ZNF816: variants seen among roughly 807,000 people sequenced by gnomAD.
ZNF816 encodes the protein zinc finger protein 816, also known as zinc finger protein 816A.
A neutral mutation model predicts 8.3 loss-of-function variants in ZNF816; 11 were observed. The observed-to-expected ratio is 1.32, with a 90% CI of 0.83 to 2.19. The LOEUF is 2.19. Among genes scored for constraint, ZNF816 ranks in the 30% most tolerant of loss-of-function variants. The pLI is 0.00. For synonymous variants in ZNF816, 255 were observed against 254.5 expected, an observed-to-expected ratio of 1.00 and a Z score of -0.02; for missense variants, 710 against 779.3, an observed-to-expected ratio of 0.91 and a Z score of 1.06.
intron 1 of ZNF816, among the ~76,000 whole-genome samples, chr19:52,960,465 C>T (rs1055247453): frequency 2.6e-5 from 4 of 152,112 alleles, no homozygotes; most frequent in African/African-American, 7.2e-5. Context: ...TTAGTACAGA[C>T]GACAGCAAAG....
chr19:52,961,856 C>G (rs1021012016), intron 1 of ZNF816, among the ~76,000 whole-genome samples: 1 of 152,124 alleles, frequency 6.6e-6, no homozygotes, highest in African/African-American at 2.4e-5. Flanking sequence ...TCAGGAAGCC[C>G]GAGAGTTGGT....
intron 3 of ZNF816, 192 bp downstream of exon 3, chr19:52,952,559 T>G: frequency 9.3e-7 from 1 of 1,080,754 alleles, no homozygotes. Flanking sequence ...TTTCTGTTTT[T>G]ATGTAAAACC....
In ZNF816 at chr19:52,950,942, C is replaced by T; in HGVS notation, c.833G>A (p.Cys278Tyr). 6.2e-7 allele frequency: 1 copy of T among 1,614,146 alleles called. No homozygotes were observed. The highest frequency in any genetic ancestry group is 8.5e-7 in the Non-Finnish European group (1 of 1,180,020). ...CTTGTAAGTTTTCTCACCAGTGTGA[C>T]ATCTATGATGATATACAATGTATTG... Reference protein sequence around the residue: ...QKQYIVYHHRCHTGEKTYKCN... With the variant: ...QKQYIVYHHRYHTGEKTYKCN... Residue 278 changes from cysteine (C) to tyrosine (Y), a missense_variant, in exon 4 of 4, where the codon TGT (cysteine) becomes TAT (tyrosine). By Grantham distance (194) the Cys-to-Tyr change is radical. Coordinates refer to ENST00000444460, the MANE Select transcript of ZNF816 (RefSeq NM_001202457.3).
At chr19:52,954,931 C>A (rs2083497044) in intron 2 of ZNF816, among the ~76,000 whole-genome samples, 2 of 151,626 alleles carry the variant, frequency 1.3e-5, no homozygotes, top group South Asian at 4.2e-4. Context: ...AACAGCGATT[C>A]CCCACTGAGA....
intron 2 of ZNF816, among the ~76,000 whole-genome samples, chr19:52,954,380 C>T (rs868686157): frequency 1.3e-5 from 2 of 151,886 alleles, no homozygotes; most frequent in Non-Finnish European, 1.5e-5. Flanking sequence ...AAACAAACAA[C>T]AACAACAAAA....
rs756765341 is a variant in ZNF816 at position 52,950,666 on chromosome 19, T to C, written c.1109A>G (p.Lys370Arg). 6.2e-7 allele frequency: 1 copy of C among 1,614,190 alleles called. No individual in the cohort carries two copies. Among genetic ancestry groups the C allele is most frequent in the South Asian group, 1.1e-5 (1 of 91,084 alleles). Residue 370 changes from lysine (K) to arginine (R), a missense_variant, in exon 4 of 4, where the codon AAG (lysine) becomes AGG (arginine). Transcript: ENST00000444460. ...KAIHTGEKPY[K>R]CNECGKTFSQ... Reference sequence around the variant, plus strand: ...GAAGGTCTTGCCACACTCATTACACTTGTAAGGTTTCTCTCCAGTATGAAT... The same window carrying C: ...GAAGGTCTTGCCACACTCATTACACCTGTAAGGTTTCTCTCCAGTATGAAT...
Position 52,949,541 on chromosome 19 carries a change from G to T in ZNF816, c.*278C>A. On this transcript the variant is annotated 3_prime_UTR_variant, in exon 4 of 4. Transcript: ENST00000444460. ...AATTCTCTGATGTCTAATGAGGTGT[G>T]AACATGAAGTAAAGGCTTTGCCACA... The T allele has an allele frequency of 6.1e-6, 4 of 657,554 alleles. No homozygotes were observed. The highest frequency in any genetic ancestry group is 4.4e-5 in the South Asian group (3 of 68,544). The allele number at this position is 657,554 out of a possible 1,614,324, so 40.7% of individuals were successfully genotyped here.
intron 2 of ZNF816, among the ~76,000 whole-genome samples, chr19:52,953,589 CA>C (rs1432841277): frequency 3.4e-5 from 3 of 87,262 alleles, no homozygotes; most frequent in East Asian, 2.6e-4. Context: ...ATATATAATA[CA>C]ATATTATATA....
Position 52,949,446 on chromosome 19 carries a change from G to A in ZNF816, c.*373C>T, listed in dbSNP as rs1401240323. ...TTATCTCAAAAATGAATTTTCTGAT[G>A]TTCTGCATGGAATGACCACAGAGTG... On this transcript the variant is annotated 3_prime_UTR_variant, in exon 4 of 4. Transcript: ENST00000444460. 1 of 347,650 alleles carries A rather than the reference G, an allele frequency of 2.9e-6. No individual in the cohort carries two copies. The highest frequency in any genetic ancestry group is 3.2e-5 in the South Asian group (1 of 31,288). The allele number at this position is 347,650 out of a possible 1,614,324, so 21.5% of individuals were successfully genotyped here.
In ZNF816 at chr19:52,950,328, A is replaced by G; in HGVS notation, c.1447T>C (p.Cys483Arg). The change falls in exon 4 of 4, where the codon TGT becomes CGT. Residue 483 changes from cysteine (C) to arginine (R), a missense_variant. Coordinates refer to ENST00000444460, the MANE Select transcript of ZNF816 (RefSeq NM_001202457.3). Reference sequence around the variant, plus strand: ...CTAAAAACCTTGCCACATTCATTACATGTGTAAGGTTTCTCTCCAGTGTGA... The same window carrying G: ...CTAAAAACCTTGCCACATTCATTACGTGTGTAAGGTTTCTCTCCAGTGTGA... ...TLHTGEKPYT[C>R]NECGKVFSRR... 6.2e-7 allele frequency: 1 copy of G among 1,613,876 alleles called. No individual in the cohort carries two copies. Among genetic ancestry groups the G allele is most frequent in the Non-Finnish European group, 8.5e-7 (1 of 1,179,894 alleles).
At chr19:52,960,043 A>C (rs2083542995) in intron 1 of ZNF816, 1 of 155,242 alleles carries the variant, frequency 6.4e-6, no homozygotes. Context: ...CACAGCTGCT[A>C]GGAGCCACAG....
intron 1 of ZNF816, among the ~76,000 whole-genome samples, chr19:52,956,943 T>C (rs531735161): frequency 3.9e-5 from 6 of 152,318 alleles, no homozygotes; most frequent in Non-Finnish European, 7.3e-5. Context: ...TTCTAGACAT[T>C]GTATGAAGAA....
rs138373839 is a variant in ZNF816 at position 52,951,246 on chromosome 19, T to G, written c.529A>C (p.Ser177Arg). Residue 177 changes from serine (S) to arginine (R), a missense_variant, in exon 4 of 4, where the codon AGT (serine) becomes CGT (arginine). Transcript: ENST00000444460. ...CCGATAGACTTGTCCAATTGGTTACTAATTTTCCCTTTAGTCTGAAACATG... is the reference window on the plus strand; with the variant it reads ...CCGATAGACTTGTCCAATTGGTTACGAATTTTCCCTTTAGTCTGAAACATG... ...LHMFQTKGKI[S>R]NQLDKSIGAS... 9 of 1,614,084 alleles carry G rather than the reference T, an allele frequency of 5.6e-6. No homozygotes were observed. Among genetic ancestry groups the G allele is most frequent in the African/African-American group, 2.7e-5 (2 of 74,940 alleles).
rs879592560 is a variant in ZNF816, at chr19:52,957,165, C to T, written c.-15-1061G>A. On this transcript the variant is annotated intron_variant, in intron 1 of 3. Transcript: ENST00000444460. The surrounding 1 kb of genome is among the most constrained non-coding windows in gnomAD (Gnocchi z 4.6). Reference sequence around the variant, plus strand: ...AATAAAGCCACTTCCTTCTTTAATCCGTTGTCTGAGAGGTACTGTCTGCGG... The same window carrying T: ...AATAAAGCCACTTCCTTCTTTAATCTGTTGTCTGAGAGGTACTGTCTGCGG... 2.6e-5 allele frequency among the ~76,000 whole-genome samples: 4 copies of T among 152,176 alleles called. No homozygotes were observed. Among genetic ancestry groups the T allele is most frequent in the South Asian group, 4.1e-4 (2 of 4,834 alleles).
At chr19:52,962,446 G>A (rs890332957) in intron 1 of ZNF816, among the ~76,000 whole-genome samples, 1 of 151,920 alleles carries the variant, frequency 6.6e-6, no homozygotes, top group Admixed American at 6.6e-5. Context: ...GAGCCCAGGA[G>A]TGGCCACAAA....
Position 52,950,479 on chromosome 19 carries a change from C to G in ZNF816, c.1296G>C (p.Lys432Asn). The G allele has an allele frequency of 6.2e-7, 1 of 1,613,792 alleles. No homozygotes were observed. Among genetic ancestry groups the G allele is most frequent in the East Asian group, 2.2e-5 (1 of 44,850 alleles). ...CAAGGTATGAATCACTCCGGAAAAC[C>G]TTGTCACAAACCTTACATTTGTATG... is the stretch of plus-strand genomic sequence containing the variant. ...EGSYKCKVCD[K>N]VFRSDSYLAE... The change falls in exon 4 of 4, where the codon AAG (lysine) becomes AAC (asparagine). Residue 432 changes from lysine to asparagine, a missense_variant. Transcript: ENST00000444460.
Position 52,957,037 on chromosome 19 carries a change from T to C in ZNF816, c.-15-933A>G, listed in dbSNP as rs184996223. 1.0e-3 allele frequency among the ~76,000 whole-genome samples: 156 copies of C among 152,324 alleles called. No homozygotes were observed. The highest frequency in any genetic ancestry group is 6.8e-3 in the Middle Eastern group (2 of 294). ...ACACTTGCTTGATCTATCATGACCC[T>C]TTCACGTGGATGCCTTAGAGCTGTA... On this transcript the variant is annotated intron_variant, in intron 1 of 3. Coordinates refer to ENST00000444460, the MANE Select transcript of ZNF816 (RefSeq NM_001202457.3). The surrounding 1 kb of genome is among the most constrained non-coding windows in gnomAD (Gnocchi z 4.6).
intron 3 of ZNF816, 115 bp downstream of exon 3, chr19:52,952,636 T>C (rs1318172715): frequency 1.3e-6 from 2 of 1,561,606 alleles, no homozygotes; most frequent in East Asian, 2.2e-5. Context: ...CAGAAAACAA[T>C]GACATGTACA....
intron 3 of ZNF816, 146 bp from the exon 4 acceptor site, chr19:52,951,730 T>G: frequency 1.3e-6 from 1 of 785,106 alleles, no homozygotes; most frequent in Non-Finnish European, 1.9e-6. Flanking sequence ...ACACACTGTC[T>G]CTACTGAACA....
Sources: allele counts gnomAD v4.1 joint callset (sites outside exome capture counted in the v4.1 genomes callset), GRCh38; gene constraint gnomAD v4.1.1; non-coding constraint Gnocchi (gnomAD v3.1); transcripts MANE v1.5; gene names NCBI Gene and HGNC (gene_info 2026-07-23, HGNC 2026-07-21).